Variants in HEMK2 observed in about 807,000 individuals in gnomAD.
HEMK2 encodes HemK methyltransferase 2, ETF1 glutamine and histone H4 lysine, also known as methyltransferase HEMK2.
At chr21:28,591,477 G>A in the HEMK2 span, among the ~76,000 whole-genome samples, 20 of 152,254 alleles carry the variant, frequency 1.3e-4, no homozygotes, top group South Asian at 1.7e-3. Flanking sequence ...GATGCATGAC[G>A]TCCTTACATA....
the HEMK2 span, among the ~76,000 whole-genome samples, chr21:28,601,304 G>C: frequency 6.6e-6 from 1 of 152,166 alleles, no homozygotes; most frequent in African/African-American, 2.4e-5. Context: ...TACTAAGCCA[G>C]TAGCATCCTC....
the HEMK2 span, among the ~76,000 whole-genome samples, chr21:28,747,039 G>A: frequency 1.3e-5 from 2 of 152,350 alleles, no homozygotes; most frequent in East Asian, 1.9e-4. Flanking sequence ...GTGCAATATA[G>A]AGGCTCAAGA....
chr21:28,797,053 G>C, the HEMK2 span, among the ~76,000 whole-genome samples: 1 of 152,166 alleles, frequency 6.6e-6, no homozygotes, highest in Non-Finnish European at 1.5e-5. Context: ...ACAGTTTCTA[G>C]GACAGAAAAT....
chr21:28,615,426 C>T, the HEMK2 span, among the ~76,000 whole-genome samples: 13 of 151,422 alleles, frequency 8.6e-5, no homozygotes, highest in Admixed American at 6.6e-4. Flanking sequence ...CTCTTCCCCA[C>T]AAACCCCCAC....
the HEMK2 span, among the ~76,000 whole-genome samples, chr21:28,698,502 C>A: frequency 7.2e-5 from 11 of 151,962 alleles, no homozygotes; most frequent in Non-Finnish European, 1.3e-4. Context: ...TCCTATCCCC[C>A]CTCAAGCGGA....
the HEMK2 span, among the ~76,000 whole-genome samples, chr21:28,620,149 G>A: frequency 4.6e-5 from 7 of 152,276 alleles, no homozygotes; most frequent in South Asian, 1.2e-3. Context: ...GCTTTTTGAT[G>A]TGCTGCTGGA....
chr21:28,730,578 C>T, the HEMK2 span, among the ~76,000 whole-genome samples: 4 of 152,108 alleles, frequency 2.6e-5, no homozygotes, highest in African/African-American at 9.7e-5. Context: ...TGGCTATTGG[C>T]AGGAATTAGT....
chr21:28,864,902 T>C, the HEMK2 span, among the ~76,000 whole-genome samples: 5 of 122,238 alleles, frequency 4.1e-5, 1 homozygote, highest in South Asian at 1.2e-3. Context: ...TAGATAGATA[T>C]AGATAGATGA....
chr21:28,815,447 T>C, the HEMK2 span, among the ~76,000 whole-genome samples: 1 of 151,828 alleles, frequency 6.6e-6, no homozygotes, highest in Non-Finnish European at 1.5e-5. Flanking sequence ...AGCTGGTTAG[T>C]CTCTCCCACA....
the HEMK2 span, among the ~76,000 whole-genome samples, chr21:28,839,217 T>C: frequency 6.6e-6 from 1 of 151,630 alleles, no homozygotes; most frequent in African/African-American, 2.4e-5. Context: ...ACAAGGGACA[T>C]ACCTTAATGT....
the HEMK2 span, chr21:28,882,338 TAC>T: frequency 1.5e-5 from 15 of 982,296 alleles, no homozygotes; most frequent in Non-Finnish European, 2.0e-5. Context: ...CCATTAATTC[TAC>T]ACAGAACAGA....
At chr21:28,596,449 T>C in the HEMK2 span, among the ~76,000 whole-genome samples, 16 of 152,358 alleles carry the variant, frequency 1.1e-4, no homozygotes, top group South Asian at 4.1e-4. Context: ...CATTTTGTTC[T>C]AAATTATAAG....
chr21:28,679,221 CAA>C, the HEMK2 span, among the ~76,000 whole-genome samples: 3 of 151,570 alleles, frequency 2.0e-5, no homozygotes, highest in East Asian at 5.8e-4. Flanking sequence ...AAATGGAAAA[CAA>C]AAAAAGGCAG....
chr21:28,657,921 G>GA, the HEMK2 span, among the ~76,000 whole-genome samples: 1 of 151,906 alleles, frequency 6.6e-6, no homozygotes, highest in Non-Finnish European at 1.5e-5. Flanking sequence ...AAGGCAAAAA[G>GA]AAAAAATGCA....
At chr21:28,878,192 C>T in the HEMK2 span, 1 of 1,569,130 alleles carries the variant, frequency 6.4e-7, no homozygotes, top group Non-Finnish European at 8.7e-7. Flanking sequence ...TCTGTATTAC[C>T]TGGGTTGTTT....
At chr21:28,845,773 T>A in the HEMK2 span, among the ~76,000 whole-genome samples, 3 of 152,150 alleles carry the variant, frequency 2.0e-5, no homozygotes, top group African/African-American at 7.2e-5. Flanking sequence ...ATTCATCTCC[T>A]TACCAAATTC....
chr21:28,637,340 T>C, the HEMK2 span, among the ~76,000 whole-genome samples: 1 of 152,212 alleles, frequency 6.6e-6, no homozygotes, highest in South Asian at 2.1e-4. Flanking sequence ...TCATAGGTTA[T>C]CATTTGTGTG....
the HEMK2 span, among the ~76,000 whole-genome samples, chr21:28,576,640 T>C: frequency 1.6e-4 from 25 of 152,212 alleles, 1 homozygote; most frequent in East Asian, 1.9e-3. Context: ...CTTTGTGCCA[T>C]GATTATGAAG....
chr21:28,589,678 G>C, the HEMK2 span, among the ~76,000 whole-genome samples: 8 of 152,110 alleles, frequency 5.3e-5, no homozygotes, highest in African/African-American at 1.9e-4. Flanking sequence ...TGGTATACTA[G>C]ATTTGAGTTG....
Sources: allele counts gnomAD v4.1 joint callset (sites outside exome capture counted in the v4.1 genomes callset), GRCh38; gene constraint gnomAD v4.1.1; transcripts MANE v1.5; gene names NCBI Gene and HGNC (gene_info 2026-07-23, HGNC 2026-07-21).